TET2: variants seen among roughly 807,000 people sequenced by gnomAD.
The protein encoded by TET2 is methylcytosine dioxygenase TET2.
A neutral mutation model predicts 142.9 loss-of-function variants in TET2; 299 were observed. The observed-to-expected ratio is 2.09, with a 90% confidence interval of 1.90 to 2.30. The LOEUF is 2.30. TET2 is among the 30% of genes most tolerant of loss of function. TET2 has a pLI of 0.00. For missense variants in TET2, 2,418 were observed against 2,378.0 expected (o/e 1.02, Z -0.35); for synonymous variants, 819 against 849.0 (o/e 0.96, Z 0.61).
chr4:105,183,882 CCTTT>C (rs1403253426), intron 1 of TET2, among the ~76,000 whole-genome samples: 7 of 152,182 alleles, frequency 4.6e-5, no homozygotes, highest in Non-Finnish European at 1.0e-4. Context: ...CCCTTTCACT[CCTTT>C]CTTCTCCTAT....
At chr4:105,265,486 G>C (rs1237652132) in intron 8 of TET2, among the ~76,000 whole-genome samples, 1 of 152,164 alleles carries the variant, frequency 6.6e-6, no homozygotes, top group Admixed American at 6.5e-5. Context: ...TTGTATATCT[G>C]TTTTTGTTCA....
intron 1 of TET2, among the ~76,000 whole-genome samples, chr4:105,156,215 G>T (rs1205317432): frequency 6.6e-6 from 1 of 152,080 alleles, no homozygotes; most frequent in Non-Finnish European, 1.5e-5. Context: ...TTGATTTGTT[G>T]TTTATTTTTA....
Position 105,269,744 on chromosome 4 carries a change from A to T in TET2, c.4179A>T (p.Thr1393=). The T allele has an allele frequency of 6.4e-7, 1 of 1,551,596 alleles. No individual in the cohort carries two copies. Among genetic ancestry groups the T allele is most frequent in the South Asian group, 1.2e-5 (1 of 84,062 alleles). Residue 1393 remains threonine, a synonymous_variant, in exon 9 of 11, where the codon ACA becomes ACT. Coordinates refer to ENST00000380013, the MANE Select transcript of TET2 (RefSeq NM_001127208.3). ...TGCACAACATGCAGAATGGCAGCACATTGGTAAGTTGGGCTGAGGACAGCT... is the reference window on the plus strand; with the variant it reads ...TGCACAACATGCAGAATGGCAGCACTTTGGTAAGTTGGGCTGAGGACAGCT... The part of the protein sequence containing the change: ...RDLHNMQNGS[T]LVCTLTREDN...
chr4:105,260,413 G>A (rs72665944), intron 7 of TET2, among the ~76,000 whole-genome samples: 6,981 of 151,058 alleles, frequency 0.046, 226 homozygotes, highest in Non-Finnish European at 0.072. Context: ...CTATAAATCC[G>A]TTGTAAAATG....
chr4:105,206,088 G>A (rs954937664), intron 2 of TET2, among the ~76,000 whole-genome samples: 40 of 152,164 alleles, frequency 2.6e-4, no homozygotes, highest in African/African-American at 9.7e-4. Context: ...CAGATTTATA[G>A]TTTGGTAATG....
chr4:105,242,986 C>A (rs1258915968), intron 5 of TET2, 59 bp downstream of exon 5: 1 of 1,398,480 alleles, frequency 7.2e-7, no homozygotes, highest in South Asian at 1.2e-5. Context: ...ATTTGTAAAT[C>A]TGACCCTGAG....
At chr4:105,199,619 G>T (rs923479255) in intron 2 of TET2, among the ~76,000 whole-genome samples, 7 of 152,084 alleles carry the variant, frequency 4.6e-5, no homozygotes, top group Non-Finnish European at 8.8e-5. Flanking sequence ...GGAGTTTGTT[G>T]TACAGGTTAT....
chr4:105,198,469 A>G (rs1726228357), intron 2 of TET2, among the ~76,000 whole-genome samples: 1 of 152,236 alleles, frequency 6.6e-6, no homozygotes. Context: ...TATGGAAGAT[A>G]TTTCTCTTAA....
chr4:105,261,551 CT>C (rs1730428358), intron 7 of TET2, among the ~76,000 whole-genome samples: 1 of 151,530 alleles, frequency 6.6e-6, no homozygotes, highest in Non-Finnish European at 1.5e-5. Flanking sequence ...GAAAATCAAT[CT>C]TATGAAAAAA....
rs1408485379 is a variant in TET2, at chr4:105,236,745, G to GGAA, written c.2805_2807dup (p.Gly935_Ser936insArg). On this transcript the variant is annotated inframe_insertion, in exon 3 of 11. Coordinates refer to ENST00000380013, the MANE Select transcript of TET2 (RefSeq NM_001127208.3). ...TGTTTTTCCTGTGCCTGACCAGGGAGGAAGTCACACTCAGACCCCTCCCCA... is the reference window on the plus strand; with the variant it reads ...TGTTTTTCCTGTGCCTGACCAGGGAGGAAGAAGTCACACTCAGACCCCTCCCCA... 5 of 1,614,124 alleles carry GGAA rather than the reference G, an allele frequency of 3.1e-6. No homozygotes were observed. In the East Asian group the frequency reaches 1.1e-4, roughly 36 times the overall value.
chr4:105,242,070 C>G, intron 4 of TET2: 1 of 1,181,030 alleles, frequency 8.5e-7, no homozygotes, highest in Non-Finnish European at 1.1e-6. Flanking sequence ...CTGAGCTGTT[C>G]TTCTTCTAGG....
rs1728735974 is a variant in TET2, at chr4:105,234,784, ACT to A, written c.845_846del (p.Ser282Ter). ...CAGATCAATTCCGCACAGACCTCTA[ACT>A]CTGAGCTGCCTCCAAAGCCAGCTGC... On this transcript the variant is annotated frameshift_variant, in exon 3 of 11. Coordinates refer to ENST00000380013, the MANE Select transcript of TET2 (RefSeq NM_001127208.3). LOFTEE classifies it high-confidence loss of function. 1.2e-6 allele frequency: 2 copies of A among 1,613,802 alleles called. No individual in the cohort carries two copies. Among genetic ancestry groups the A allele is most frequent in the Non-Finnish European group, 1.7e-6 (2 of 1,179,916 alleles).
rs1029544525 is a variant in TET2 at position 105,259,863 on chromosome 4, CTTATTAATCAAAGTT to C, written c.3954+97_3954+111del. 1.4e-4 allele frequency: 174 copies of C among 1,245,800 alleles called. No homozygotes were observed. The African/African-American group carries it at 2.4e-3, about 17-fold the overall frequency. The allele number at this position is 1,245,800 out of a possible 1,614,324, so 77.2% of individuals were successfully genotyped here. On this transcript the variant is annotated intron_variant, in intron 7 of 10. Coordinates refer to ENST00000380013, the MANE Select transcript of TET2 (RefSeq NM_001127208.3). ...ACAATATGACATATCTTGGTAAGCT[CTTATTAATCAAAGTT>C]TTTCCCAAACTGTAGATACACACTA...
intron 1 of TET2, among the ~76,000 whole-genome samples, chr4:105,181,570 G>A (rs568455769): frequency 6.6e-6 from 1 of 152,080 alleles, no homozygotes; most frequent in African/African-American, 2.4e-5. Context: ...AATAAAAAAT[G>A]GTTTAAAACT....
chr4:105,237,641 C>T (rs1729034992), intron 3 of TET2: 13 of 1,428,776 alleles, frequency 9.1e-6, no homozygotes, highest in East Asian at 5.2e-5. Context: ...TAGATCAATT[C>T]GCCTATTTAG....
rs533965077 is a variant in TET2, at chr4:105,225,849, C to G, written c.-46-8048C>G. On this transcript the variant is annotated intron_variant, in intron 2 of 10. Transcript: ENST00000380013. ...GATTCATAAATCATCCTCAAATATT[C>G]TAGAGAAAAATCATCAGCAGTCCAG... 8.5e-5 allele frequency among the ~76,000 whole-genome samples: 13 copies of G among 152,228 alleles called. No homozygotes were observed. The East Asian group carries it at 2.1e-3, about 25-fold the overall frequency.
At chr4:105,242,526 T>C (rs1027819895) in intron 4 of TET2, 1 of 1,145,468 alleles carries the variant, frequency 8.7e-7, no homozygotes, top group Non-Finnish European at 1.1e-6. Flanking sequence ...AGACTGAACT[T>C]AGCAAACTAA....
At chr4:105,239,067 G>GTTTTTTGT (rs1553914847) in intron 3 of TET2, 1,819 of 91,916 alleles carry the variant, frequency 0.02, 25 homozygotes, top group Non-Finnish European at 0.028. Flanking sequence ...TTTTGGTTTT[G>GTTTTTTGT]TTTTTTGTTT....
upstream of TET2, chr4:105,146,518 G>A (rs912545332): frequency 6.6e-6 from 1 of 152,410 alleles, no homozygotes; most frequent in South Asian, 2.1e-4. Context: ...CCCGCTGTAC[G>A]GCCCCAGGTG....
Sources: allele counts gnomAD v4.1 joint callset (sites outside exome capture counted in the v4.1 genomes callset), GRCh38; gene constraint gnomAD v4.1.1; transcripts MANE v1.5; gene names NCBI Gene and HGNC (gene_info 2026-07-23, HGNC 2026-07-21).